The following CNOT11 variants were observed in gnomAD, a reference collection of about 807,000 sequenced individuals.
The protein encoded by CNOT11 is UPF0760 protein C2orf29.
In CNOT11, 18 loss-of-function variants were observed where a neutral mutation model predicts 44.6. The observed-to-expected ratio is 0.40, with a 90% CI of 0.28 to 0.60. CNOT11 has a LOEUF of 0.60. Ranked by LOEUF, CNOT11 falls within the 20% of genes least tolerant of loss-of-function variation. CNOT11 has a pLI of 0.38. For missense variants in CNOT11, 513 were observed against 677.0 expected, an observed-to-expected ratio of 0.76 and a Z score of 2.69; for synonymous variants, 291 against 270.9, an observed-to-expected ratio of 1.07 and a Z score of -0.73.
intron 1 of CNOT11, among the ~76,000 whole-genome samples, chr2:101,256,504 G>A (rs1681738008): frequency 6.6e-6 from 1 of 152,126 alleles, no homozygotes; most frequent in Non-Finnish European, 1.5e-5. Flanking sequence ...CAGTGGGAGA[G>A]ATGAGGCTTC....
At chr2:101,255,388 G>T (rs1481947943) in intron 1 of CNOT11, among the ~76,000 whole-genome samples, 7 of 152,134 alleles carry the variant, frequency 4.6e-5, no homozygotes, top group Non-Finnish European at 1.0e-4. Context: ...CCAGCTACTT[G>T]GGAGGCTGAG....
chr2:101,261,476 A>G (rs535918373), intron 2 of CNOT11, among the ~76,000 whole-genome samples: 4 of 152,200 alleles, frequency 2.6e-5, no homozygotes, highest in Non-Finnish European at 5.9e-5. Flanking sequence ...TGATGGACAT[A>G]ATACTGCTGT....
chr2:101,261,436 G>T (rs1681859756), intron 2 of CNOT11, among the ~76,000 whole-genome samples: 1 of 152,164 alleles, frequency 6.6e-6, no homozygotes, highest in Non-Finnish European at 1.5e-5. Context: ...TCACACTGTG[G>T]AGTACCAAGT....
Position 101,262,644 on chromosome 2 carries a change from C to G in CNOT11, c.785C>G (p.Ser262Cys). ...SNSGFDSSVA[S>C]QITEALVSGP... is the part of the protein sequence containing the mutation. Reference sequence around the variant, plus strand: ...TCTGGATTTGACAGCTCAGTTGCCTCTCAGATCACAGAAGCTTTAGTCAGC... The same window carrying G: ...TCTGGATTTGACAGCTCAGTTGCCTGTCAGATCACAGAAGCTTTAGTCAGC... The change falls in exon 3 of 7, where the codon TCT (serine) becomes TGT (cysteine). Residue 262 changes from serine (S) to cysteine (C), a missense_variant. Around this residue, in one of 4 missense-constraint regions of CNOT11, gnomAD observed 140 missense variants for 169.8 expected, o/e 0.82. Transcript: ENST00000289382. 3 of 1,614,138 alleles carry G rather than the reference C, an allele frequency of 1.9e-6. No individual in the cohort carries two copies. Among genetic ancestry groups the G allele is most frequent in the South Asian group, 1.1e-5 (1 of 91,084 alleles).
chr2:101,252,918 G>A lies in CNOT11; in HGVS notation c.-47G>A, dbSNP rs1681651385. Reference sequence around the variant, plus strand: ...ACGGCCGCGGGGACGGAGCGAGCCGGCGCCAGGGCCCCTCGGGCCGGGAAG... The same window carrying A: ...ACGGCCGCGGGGACGGAGCGAGCCGACGCCAGGGCCCCTCGGGCCGGGAAG... On this transcript the variant is annotated 5_prime_UTR_variant, in exon 1 of 7. Coordinates refer to ENST00000289382, the MANE Select transcript of CNOT11 (RefSeq NM_017546.5). 2 of 1,389,110 alleles carry A rather than the reference G, an allele frequency of 1.4e-6. No individual in the cohort carries two copies. The highest frequency in any genetic ancestry group is 1.6e-5 in the South Asian group (1 of 62,688). 86.0% of individuals were successfully genotyped at this position (1,389,110 alleles called of 1,614,324 possible). A position where few individuals can be genotyped will look rare whatever the true frequency, so the allele number is the denominator to read the frequency against.
At position 101,266,717 on chromosome 2, in the gene CNOT11, A is replaced by G. The variant is rs1681993521; in HGVS notation, c.1076A>G (p.His359Arg). The change falls in exon 5 of 7, where the codon CAT (histidine) becomes CGT (arginine). Residue 359 changes from histidine to arginine, a missense_variant. Physicochemically the swap from His to Arg is conservative, Grantham distance 29. Transcript: ENST00000289382. ...ELEKDPKLVY[H>R]IGLTPAKLPD... ...GAAAAAGACCCCAAACTTGTCTACC[A>G]TATTGGCCTCACCCCAGCCAAACTT... 1.9e-6 allele frequency: 3 copies of G among 1,614,194 alleles called. No homozygotes were observed. Among genetic ancestry groups the G allele is most frequent in the East Asian group, 2.2e-5 (1 of 44,862 alleles).
At chr2:101,264,511 C>T (rs1160100256) in intron 3 of CNOT11, among the ~76,000 whole-genome samples, 2 of 152,190 alleles carry the variant, frequency 1.3e-5, no homozygotes, top group African/African-American at 2.4e-5. Flanking sequence ...CATCAAAAGA[C>T]TTCACCCGTT....
chr2:101,267,360 T>TGG (rs1682010557), intron 5 of CNOT11, among the ~76,000 whole-genome samples: 1 of 152,178 alleles, frequency 6.6e-6, no homozygotes, highest in Non-Finnish European at 1.5e-5. Flanking sequence ...TGACCTCAAG[T>TGG]GATCTGCCCA....
At chr2:101,255,507 A>T (rs1436881653) in intron 1 of CNOT11, among the ~76,000 whole-genome samples, 3 of 150,938 alleles carry the variant, frequency 2.0e-5, no homozygotes, top group South Asian at 2.1e-4. Flanking sequence ...AAAAAAAAAA[A>T]GTACCTGTGA....
chr2:101,253,002 T>C lies in CNOT11; in HGVS notation c.38T>C (p.Leu13Pro). The C allele has an allele frequency of 6.7e-7, 1 of 1,499,068 alleles. No homozygotes were observed. The highest frequency in any genetic ancestry group is 2.8e-5 in the East Asian group (1 of 35,300). 92.9% of individuals were successfully genotyped at this position (1,499,068 alleles called of 1,614,324 possible). A position where few individuals can be genotyped will look rare whatever the true frequency, so the allele number is the denominator to read the frequency against. Residue 13 changes from leucine to proline, a missense_variant, in exon 1 of 7, where the codon CTT becomes CCT. Physicochemically the swap from Leu to Pro is moderately conservative, Grantham distance 98. Transcript: ENST00000289382. This position sits in a 1 kb window ranked among gnomAD's most constrained non-coding sequence, Gnocchi z 4.3. ...GGGGCGAGCGCGGCGTCTGGCCGGC[T>C]TCTCACCGCCGCGGAGCAAAGAGGG... is the stretch of plus-strand genomic sequence containing the variant. ...GGGASAASGR[L>P]LTAAEQRGSR...
chr2:101,256,200 A>G (rs1681733936), intron 1 of CNOT11, among the ~76,000 whole-genome samples: 1 of 151,140 alleles, frequency 6.6e-6, no homozygotes, highest in Admixed American at 6.6e-5. Flanking sequence ...GGGTACATGG[A>G]TGGGAGAGAA....
In CNOT11 at chr2:101,252,975, G is replaced by A; in HGVS notation, c.11G>A (p.Gly4Glu). Residue 4 changes from glycine to glutamate, a missense_variant, in exon 1 of 7, where the codon GGA (glycine) becomes GAA (glutamate). Transcript: ENST00000289382. MPGGGASAASGRLL... is the reference protein window; with the variant it reads MPGEGASAASGRLL... ...AGGGGAGCGAGGTTGATGCCCGGCG[G>A]AGGGGCGAGCGCGGCGTCTGGCCGG... 1 of 1,484,214 alleles carries A rather than the reference G, an allele frequency of 6.7e-7. No homozygotes were observed. The highest frequency in any genetic ancestry group is 2.9e-5 in the East Asian group (1 of 34,862). 91.9% of individuals were successfully genotyped at this position (1,484,214 alleles called of 1,614,324 possible).
chr2:101,255,731 A>G (rs1681723603), intron 1 of CNOT11, among the ~76,000 whole-genome samples: 1 of 152,214 alleles, frequency 6.6e-6, no homozygotes, highest in African/African-American at 2.4e-5. Context: ...GTTAAGAGGA[A>G]GGAACGACCA....
chr2:101,260,825 CT>C (rs5832956), intron 2 of CNOT11, among the ~76,000 whole-genome samples: 57,899 of 147,748 alleles, frequency 0.39, 11,671 homozygotes, highest in East Asian at 0.53. Flanking sequence ...GCCAATTTAT[CT>C]TTTTTTTTTT....
chr2:101,261,162 AAG>A (rs1681853604), intron 2 of CNOT11, among the ~76,000 whole-genome samples: 2 of 152,216 alleles, frequency 1.3e-5, no homozygotes, highest in South Asian at 4.1e-4. Context: ...CAAGTTAAGA[AAG>A]AGAATATTTT....
chr2:101,261,552 C>A (rs1159537619), intron 2 of CNOT11, among the ~76,000 whole-genome samples: 1 of 152,188 alleles, frequency 6.6e-6, no homozygotes, highest in Non-Finnish European at 1.5e-5. Context: ...AAGAAATGCA[C>A]ATGTAAACAT....
At chr2:101,261,261 C>T (rs1470096918) in intron 2 of CNOT11, among the ~76,000 whole-genome samples, 1 of 152,222 alleles carries the variant, frequency 6.6e-6, no homozygotes, top group Non-Finnish European at 1.5e-5. Flanking sequence ...TTGCTTCCCT[C>T]CTGTGCCTGC....
intron 2 of CNOT11, among the ~76,000 whole-genome samples, chr2:101,261,879 C>T (rs573325894): frequency 3.0e-5 from 4 of 134,870 alleles, no homozygotes; most frequent in East Asian, 2.2e-4. Context: ...TGGAGTCTCG[C>T]TCTGTCGCCC....
intron 3 of CNOT11, among the ~76,000 whole-genome samples, chr2:101,264,328 C>T (rs577247256): frequency 2.0e-5 from 3 of 152,324 alleles, no homozygotes; most frequent in Non-Finnish European, 2.9e-5. Context: ...TTTCCACATT[C>T]GTTTCGAAAT....
Sources: gnomAD v4.1 joint callset for allele counts (sites outside exome capture counted in the v4.1 genomes callset) on GRCh38, gnomAD v4.1.1 for gene constraint, gnomAD v4.1.1 regional missense constraint, Gnocchi (gnomAD v3.1) non-coding constraint, MANE v1.5 for transcripts, NCBI Gene and HGNC (gene_info 2026-07-23, HGNC 2026-07-21) for gene names.